Variants in SNX29 observed in about 807,000 individuals in gnomAD.
The protein encoded by SNX29 is sorting nexin 29, also known as sorting nexin-29.
A neutral mutation model predicts 102.1 loss-of-function variants in SNX29; 78 were observed. The ratio of observed to expected loss-of-function variants is 0.76; its 90% CI spans 0.64 to 0.92. SNX29 has a LOEUF of 0.92. SNX29 is among the 40% of genes least tolerant of loss of function. The probability of loss-of-function intolerance (pLI) is 0.00; values close to 1 mark genes in which losing one functional copy is unlikely to be tolerated. For synonymous variants in SNX29, 580 were observed against 414.5 expected (o/e 1.40, Z -4.85); for missense variants, 1,280 against 1,061.7 (o/e 1.21, Z -2.86).
chr16:12,301,442 A>G (rs1179469657), intron 15 of SNX29, among the ~76,000 whole-genome samples: 1 of 151,922 alleles, frequency 6.6e-6, no homozygotes, highest in Non-Finnish European at 1.5e-5. Context: ...CTCTCCCCCA[A>G]ATCTCCACAT....
At chr16:12,228,259 T>C (rs1368093624) in intron 14 of SNX29, among the ~76,000 whole-genome samples, 1 of 152,260 alleles carries the variant, frequency 6.6e-6, no homozygotes, top group Non-Finnish European at 1.5e-5. Flanking sequence ...ACCATACTGC[T>C]ATTCTCCCTT....
At chr16:12,371,280 T>C (rs553572564) in intron 16 of SNX29, among the ~76,000 whole-genome samples, 1 of 151,698 alleles carries the variant, frequency 6.6e-6, no homozygotes, top group Non-Finnish European at 1.5e-5. Flanking sequence ...CTCCCTCCCT[T>C]CCTTCCCTCT....
chr16:12,116,964 A>G (rs949994243), intron 11 of SNX29, among the ~76,000 whole-genome samples: 5 of 151,700 alleles, frequency 3.3e-5, no homozygotes, highest in Non-Finnish European at 5.9e-5. Context: ...AGTGGTCAAT[A>G]CGTGCTTCAA....
At position 12,532,976 on chromosome 16, in the gene SNX29, C is replaced by T. The variant is rs114353194; in HGVS notation, c.2318+8135C>T. On this transcript the variant is annotated intron_variant, in intron 20 of 20. Coordinates refer to ENST00000566228, the MANE Select transcript of SNX29 (RefSeq NM_032167.5). ...GACCCAGGGAGCGGGTGGCGCAGCACGGCTGTGGTGGCATCCCTGAGCCCC... is the reference window on the plus strand; with the variant it reads ...GACCCAGGGAGCGGGTGGCGCAGCATGGCTGTGGTGGCATCCCTGAGCCCC... Among the ~76,000 whole-genome samples the T allele has an allele frequency of 3.4e-3, 525 of 152,340 alleles. 3 individuals are homozygous for T. The highest frequency in any genetic ancestry group is 0.011 in the African/African-American group (467 of 41,580).
chr16:12,052,089 T>C lies in SNX29; in HGVS notation c.991T>C (p.Leu331=), dbSNP rs1372834347. Residue 331 remains leucine (L), a synonymous_variant, in exon 8 of 21, where the codon TTG becomes CTG. Coordinates refer to ENST00000566228, the MANE Select transcript of SNX29 (RefSeq NM_032167.5). The stretch of plus-strand genomic sequence containing the variant: ...CTCATGGAAAATTGATTCCCTGTCT[T>C]TGAACGGGGAGTTTGGGTACCAGAA... ...SNSWKIDSLS[L]NGEFGYQKLD... is the part of the protein sequence containing the mutation. 2 of 1,613,964 alleles carry C rather than the reference T, an allele frequency of 1.2e-6. No individual in the cohort carries two copies. The highest frequency in any genetic ancestry group is 1.7e-6 in the Non-Finnish European group (2 of 1,179,870).
intron 19 of SNX29, among the ~76,000 whole-genome samples, chr16:12,489,217 C>T (rs962455001): frequency 6.6e-5 from 10 of 151,676 alleles, no homozygotes; most frequent in African/African-American, 1.9e-4. Flanking sequence ...GAACTTCAAA[C>T]GGCAGAAAAA....
intron 1 of SNX29, among the ~76,000 whole-genome samples, chr16:11,980,194 A>C (rs2055384180): frequency 6.6e-6 from 1 of 152,144 alleles, no homozygotes. Flanking sequence ...AGACCCTGGG[A>C]ACCACTCATC....
At chr16:12,537,623 A>C (rs904517304) in intron 20 of SNX29, among the ~76,000 whole-genome samples, 2 of 152,102 alleles carry the variant, frequency 1.3e-5, no homozygotes, top group African/African-American at 2.4e-5. Flanking sequence ...AAAATGATTG[A>C]GTTGGCAGCT....
In SNX29 at chr16:12,115,063, A is replaced by G. The variant is rs182222121; in HGVS notation, c.1403-11570A>G. ...GGGGATGACACCACCAGTTCCATCAAATAAGGGACTCGCTGGTTCCTTTAG... is the reference window on the plus strand; with the variant it reads ...GGGGATGACACCACCAGTTCCATCAGATAAGGGACTCGCTGGTTCCTTTAG... On this transcript the variant is annotated intron_variant, in intron 11 of 20. Coordinates refer to ENST00000566228, the MANE Select transcript of SNX29 (RefSeq NM_032167.5). 2.3e-4 allele frequency among the ~76,000 whole-genome samples: 35 copies of G among 152,226 alleles called. No homozygotes were observed. In the East Asian group the frequency reaches 4.1e-3, roughly 18 times the overall value.
At chr16:12,458,680 C>CGGAT (rs2086639190) in intron 18 of SNX29, among the ~76,000 whole-genome samples, 1 of 152,068 alleles carries the variant, frequency 6.6e-6, no homozygotes, top group South Asian at 2.1e-4. Context: ...GTTAGAAGGC[C>CGGAT]AGTTAAACCC....
chr16:12,337,422 G>A (rs541589201), intron 15 of SNX29, among the ~76,000 whole-genome samples: 3 of 152,180 alleles, frequency 2.0e-5, no homozygotes, highest in East Asian at 1.9e-4. Context: ...GTTCACCACA[G>A]CCTCGACCTC....
intron 19 of SNX29, among the ~76,000 whole-genome samples, chr16:12,513,832 G>A (rs1247119692): frequency 1.3e-5 from 2 of 152,238 alleles, no homozygotes; most frequent in East Asian, 1.9e-4. Flanking sequence ...GGAAGCCACC[G>A]CTATGAGGGC....
chr16:12,513,965 C>T (rs543248782), intron 19 of SNX29, among the ~76,000 whole-genome samples: 22 of 152,348 alleles, frequency 1.4e-4, no homozygotes, highest in African/African-American at 5.3e-4. Flanking sequence ...CCAGAAACAA[C>T]TGCTCAGGCC....
chr16:12,526,573 A>C (rs1567655889), intron 20 of SNX29: 1 of 529,650 alleles, frequency 1.9e-6, no homozygotes. Context: ...CTGTTTGGAA[A>C]TGGCCGCGAT....
chr16:12,271,882 C>T (rs534159126), intron 14 of SNX29, among the ~76,000 whole-genome samples: 20 of 152,276 alleles, frequency 1.3e-4, no homozygotes, highest in Non-Finnish European at 2.1e-4. Flanking sequence ...CTTAGCCTCC[C>T]GAAGTGCTGG....
intron 20 of SNX29, among the ~76,000 whole-genome samples, chr16:12,551,838 C>T (rs1458967727): frequency 1.3e-5 from 2 of 152,176 alleles, no homozygotes; most frequent in Admixed American, 1.3e-4. Flanking sequence ...CACTTAGCTG[C>T]TGCTGGGGAC....
At chr16:12,364,048 A>G (rs1567481469) in intron 16 of SNX29, among the ~76,000 whole-genome samples, 1 of 152,154 alleles carries the variant, frequency 6.6e-6, no homozygotes, top group African/African-American at 2.4e-5. Flanking sequence ...GCTGGAGTGC[A>G]GTGGCACCAT....
intron 16 of SNX29, among the ~76,000 whole-genome samples, chr16:12,381,102 CCCACCCACCCACCATCCAT>C (rs2083114001): frequency 4.4e-5 from 1 of 22,934 alleles, no homozygotes; most frequent in African/African-American, 1.9e-4. Flanking sequence ...CATCCATCCA[CCCACCCACCCACCATCCAT>C]CCACCCACCC....
In SNX29 at chr16:12,542,218, T is replaced by G. The variant is rs140796252; in HGVS notation, c.2318+17377T>G. ...CACAGGGTGTCAAGGAATCTGCAAC[T>G]CAGAGGGATAGGACCTAGTGTTATT... On this transcript the variant is annotated intron_variant, in intron 20 of 20. Transcript: ENST00000566228. Among the ~76,000 whole-genome samples, 725 of 152,244 alleles carry G rather than the reference T, an allele frequency of 4.8e-3. 3 individuals carry two copies. Among genetic ancestry groups the G allele is most frequent in the African/African-American group, 0.016 (682 of 41,546 alleles).
Sources: allele counts gnomAD v4.1 joint callset (sites outside exome capture counted in the v4.1 genomes callset), GRCh38; gene constraint gnomAD v4.1.1; transcripts MANE v1.5; gene names NCBI Gene and HGNC (gene_info 2026-07-23, HGNC 2026-07-21).